Variants in KIR3DL2 observed in about 807,000 individuals in gnomAD.
KIR3DL2 encodes the protein killer cell immunoglobulin-like receptor 3DL2.
A neutral mutation model predicts 41.6 loss-of-function variants in KIR3DL2; 42 were observed. The observed-to-expected ratio is 1.01, with a 90% CI of 0.79 to 1.31. The LOEUF (loss-of-function observed/expected upper bound fraction) is 1.31. KIR3DL2 is among the 50% of genes most tolerant of loss of function. The pLI, the probability that KIR3DL2 is intolerant of heterozygous loss-of-function variation, is 0.00. For synonymous variants in KIR3DL2, 230 were observed against 221.3 expected, an observed-to-expected ratio of 1.04 and a Z score of -0.35; for missense variants, 728 against 576.8, an observed-to-expected ratio of 1.26 and a Z score of -2.68.
At chr19:54,860,279 A>C (rs1031044184) in intron 6 of KIR3DL2, among the ~76,000 whole-genome samples, 8 of 152,108 alleles carry the variant, frequency 5.3e-5, no homozygotes, top group African/African-American at 1.2e-4. Context: ...GCAGATGGTT[A>C]AATGGGAGGG....
rs1448138375 is a variant in KIR3DL2, at chr19:54,850,735, G to A, written c.34+226G>A. Among the ~76,000 whole-genome samples the A allele has an allele frequency of 1.2e-3, 169 of 138,138 alleles. 2 individuals are homozygous for A. The highest frequency in any genetic ancestry group is 4.8e-3 in the African/African-American group (167 of 34,852). The allele number at this position is 138,138 out of a possible 152,430, so 90.6% of individuals were successfully genotyped here. A position where few individuals can be genotyped will look rare whatever the true frequency, so the allele number is the denominator to read the frequency against. On this transcript the variant is annotated intron_variant, in intron 1 of 8. Coordinates refer to ENST00000326321, the MANE Select transcript of KIR3DL2 (RefSeq NM_006737.4). ...ATATGGGCCTGGAGTGGAGATACGGGCCTGGAGTGGAGATATGGGCCTGGA... is the reference window on the plus strand; with the variant it reads ...ATATGGGCCTGGAGTGGAGATACGGACCTGGAGTGGAGATATGGGCCTGGA...
intron 6 of KIR3DL2, among the ~76,000 whole-genome samples, chr19:54,862,172 C>T (rs1232604573): frequency 6.6e-6 from 1 of 152,128 alleles, no homozygotes; most frequent in Non-Finnish European, 1.5e-5. Flanking sequence ...CGCGAGATCA[C>T]AAAGAGTAGC....
chr19:54,857,265 T>C (rs1031632018), intron 5 of KIR3DL2, among the ~76,000 whole-genome samples: 16 of 151,328 alleles, frequency 1.1e-4, no homozygotes, highest in African/African-American at 3.7e-4. Flanking sequence ...AATTCTTGTA[T>C]TTTTTAGCAC....
At chr19:54,854,393 C>T (rs2064562659) in intron 4 of KIR3DL2, among the ~76,000 whole-genome samples, 1 of 151,774 alleles carries the variant, frequency 6.6e-6, no homozygotes, top group South Asian at 2.1e-4. Flanking sequence ...GTTTTGTCTC[C>T]ACAAAGTGCT....
chr19:54,861,502 C>T (rs1229552727), intron 6 of KIR3DL2, among the ~76,000 whole-genome samples: 19 of 150,768 alleles, frequency 1.3e-4, no homozygotes, highest in African/African-American at 4.4e-4. Flanking sequence ...AAAAATTAAA[C>T]AGGCATGATG....
chr19:54,855,958 A>G, intron 5 of KIR3DL2, 46 bp downstream of exon 5: 1 of 1,596,678 alleles, frequency 6.3e-7, no homozygotes, highest in Non-Finnish European at 8.6e-7. Context: ...TCCTAGAGCC[A>G]TAGCTGAGGA....
chr19:54,853,149 G>A (rs2064431770), intron 3 of KIR3DL2, among the ~76,000 whole-genome samples: 1 of 151,486 alleles, frequency 6.6e-6, no homozygotes, highest in Non-Finnish European at 1.5e-5. Flanking sequence ...ACCAAACAAG[G>A]AGAAGGTTGG....
At chr19:54,851,944 G>A (rs1252702909) in intron 2 of KIR3DL2, 54 bp from the exon 3 acceptor site, 5 of 1,586,460 alleles carry the variant, frequency 3.2e-6, no homozygotes, top group East Asian at 2.3e-5. Context: ...AGCACAGGGA[G>A]GGAGGGGTGG....
chr19:54,860,075 C>T (rs1288268777), intron 6 of KIR3DL2, among the ~76,000 whole-genome samples: 1 of 152,008 alleles, frequency 6.6e-6, no homozygotes, highest in Non-Finnish European at 1.5e-5. Context: ...ATCCAGGATA[C>T]CCTCCTTTTA....
rs563641187 is a variant in KIR3DL2 at position 54,852,389 on chromosome 19, G to A, written c.355+107G>A. ...CATCACCCAGGCCCCAACTGTATTT[G>A]GGGTCAAGGGAGATTGAATACAGGG... On this transcript the variant is annotated intron_variant, in intron 3 of 8. Coordinates refer to ENST00000326321, the MANE Select transcript of KIR3DL2 (RefSeq NM_006737.4). The A allele has an allele frequency of 1.1e-4, 154 of 1,439,492 alleles. 3 individuals are homozygous for A. The African/African-American group carries it at 2.0e-3, about 18-fold the overall frequency. 89.2% of individuals were successfully genotyped at this position (1,439,492 alleles called of 1,614,324 possible). A position where few individuals can be genotyped will look rare whatever the true frequency, so the allele number is the denominator to read the frequency against.
At chr19:54,858,526 C>T (rs1156331923) in intron 5 of KIR3DL2, among the ~76,000 whole-genome samples, 4 of 150,812 alleles carry the variant, frequency 2.7e-5, no homozygotes, top group African/African-American at 9.9e-5. Context: ...GCCAGGAGTT[C>T]AAGACCAGGC....
chr19:54,854,748 A>G (rs2064598767), intron 4 of KIR3DL2, among the ~76,000 whole-genome samples: 2 of 151,860 alleles, frequency 1.3e-5, no homozygotes, highest in South Asian at 2.1e-4. Flanking sequence ...CAGACACACA[A>G]AAAGAAAGAA....
chr19:54,855,293 T>A (rs1236790751), intron 4 of KIR3DL2, among the ~76,000 whole-genome samples: 1 of 151,464 alleles, frequency 6.6e-6, no homozygotes, highest in Non-Finnish European at 1.5e-5. Flanking sequence ...TAGATAGAAA[T>A]ATGCAGAAAG....
intron 4 of KIR3DL2, among the ~76,000 whole-genome samples, chr19:54,855,010 A>C (rs1225564216): frequency 6.7e-6 from 1 of 150,250 alleles, no homozygotes; most frequent in East Asian, 1.9e-4. Context: ...GGTTATAGAT[A>C]CATAGATGAT....
chr19:54,853,910 T>A lies in KIR3DL2; in HGVS notation c.519T>A (p.Asp173Glu). The A allele has an allele frequency of 6.2e-7, 1 of 1,613,348 alleles. No homozygotes were observed. The highest frequency in any genetic ancestry group is 1.7e-5 in the Admixed American group (1 of 60,008). ...CACGCCTCGTTGGACAGATCCATGA[T>A]GGGGTCTCCAAGGCCAACTTCTCCA... ...DPSRLVGQIH[D>E]GVSKANFSIG... Residue 173 changes from aspartate to glutamate, a missense_variant, in exon 4 of 9, where the codon GAT becomes GAA. By Grantham distance (45) the Asp-to-Glu change is conservative. Transcript: ENST00000326321.
In KIR3DL2 at chr19:54,857,621, G is replaced by C. The variant is rs112660871; in HGVS notation, c.950-1458G>C. Among the ~76,000 whole-genome samples the C allele has an allele frequency of 2.4e-4, 34 of 140,436 alleles. 2 individuals are homozygous for C. The highest frequency in any genetic ancestry group is 8.7e-4 in the African/African-American group (34 of 39,254). 92.1% of individuals were successfully genotyped at this position (140,436 alleles called of 152,430 possible). On this transcript the variant is annotated intron_variant, in intron 5 of 8. Transcript: ENST00000326321. Reference sequence around the variant, plus strand: ...GGCTGGAGTGCAAGGGTGTGATCTCGGCTCACTGCAACCTCTGCCTCCCGC... The same window carrying C: ...GGCTGGAGTGCAAGGGTGTGATCTCCGCTCACTGCAACCTCTGCCTCCCGC...
In KIR3DL2 at chr19:54,855,875, G is replaced by T. The variant is rs762420890; in HGVS notation, c.912G>T (p.Trp304Cys). ...CTTTCCGTGCCCTGCCCTGCGTGTGGTCAAACTCAAGTGACCCACTGCTTG... is the reference window on the plus strand; with the variant it reads ...CTTTCCGTGCCCTGCCCTGCGTGTGTTCAAACTCAAGTGACCCACTGCTTG... Reference protein sequence around the residue: ...FGSFRALPCVWSNSSDPLLVS... With the variant: ...FGSFRALPCVCSNSSDPLLVS... The change falls in exon 5 of 9, where the codon TGG (tryptophan) becomes TGT (cysteine). Residue 304 changes from tryptophan to cysteine, a missense_variant. Transcript: ENST00000326321. 1 of 1,613,590 alleles carries T rather than the reference G, an allele frequency of 6.2e-7. No individual in the cohort carries two copies. Among genetic ancestry groups the T allele is most frequent in the Non-Finnish European group, 8.5e-7 (1 of 1,179,966 alleles).
At chr19:54,860,894 G>C (rs113169367) in intron 6 of KIR3DL2, among the ~76,000 whole-genome samples, 31,303 of 116,824 alleles carry the variant, frequency 0.27, 3,513 homozygotes, top group South Asian at 0.32. Context: ...CTGGGAATGA[G>C]GTGGGGAGAA....
chr19:54,866,278 C>T (rs1178244337), intron 7 of KIR3DL2, 92 bp from the exon 8 acceptor site: 1 of 1,354,174 alleles, frequency 7.4e-7, no homozygotes, highest in African/African-American at 1.4e-5. Context: ...CCTCAGGCAC[C>T]TACAGCCTCC....
Sources: gnomAD v4.1 joint callset for allele counts (sites outside exome capture counted in the v4.1 genomes callset) on GRCh38, gnomAD v4.1.1 for gene constraint, MANE v1.5 for transcripts, NCBI Gene and HGNC (gene_info 2026-07-23, HGNC 2026-07-21) for gene names.